CNTN5: variants seen among roughly 807,000 people sequenced by gnomAD.
CNTN5 encodes the protein contactin 5.
In CNTN5, 77 loss-of-function variants were observed where a neutral mutation model predicts 129.1. That is an observed-to-expected ratio of 0.60 (90% CI 0.50 to 0.72). The LOEUF (loss-of-function observed/expected upper bound fraction) is 0.72, where lower values mean the gene tolerates loss of function less well. CNTN5 is among the 30% of genes least tolerant of loss of function. The probability of loss-of-function intolerance (pLI) is 0.00; values close to 1 mark genes in which losing one functional copy is unlikely to be tolerated. For missense variants in CNTN5, 1,478 were observed against 1,328.8 expected (o/e 1.11, Z -1.75); for synonymous variants, 509 against 465.6 (o/e 1.09, Z -1.20).
At position 99,587,002 on chromosome 11, in the gene CNTN5, G is replaced by A. The variant is rs539941354; in HGVS notation, c.55+30733G>A. ...CATTAATCAACTTTTTTCCAGGCAAGTAAAGTTAAATCAGAATTCAGTTAA... is the reference window on the plus strand; with the variant it reads ...CATTAATCAACTTTTTTCCAGGCAAATAAAGTTAAATCAGAATTCAGTTAA... On this transcript the variant is annotated intron_variant, in intron 3 of 24. Coordinates refer to ENST00000524871, the MANE Select transcript of CNTN5 (RefSeq NM_014361.4). Among the ~76,000 whole-genome samples, 39 of 152,318 alleles carry A rather than the reference G, an allele frequency of 2.6e-4. 1 individual carries two copies. The highest frequency in any genetic ancestry group is 7.7e-4 in the African/African-American group (32 of 41,586).
At chr11:99,669,517 TATTC>T (rs1448644405) in intron 3 of CNTN5, among the ~76,000 whole-genome samples, 8 of 151,854 alleles carry the variant, frequency 5.3e-5, no homozygotes, top group South Asian at 2.1e-4. Context: ...TGCTAGATAA[TATTC>T]ATGAGCATGA....
intron 2 of CNTN5, among the ~76,000 whole-genome samples, chr11:99,444,056 G>A (rs1943951949): frequency 6.6e-6 from 1 of 151,948 alleles, no homozygotes; most frequent in African/African-American, 2.4e-5. Flanking sequence ...AAATTAGCTG[G>A]GTGTGGTGGT....
intron 6 of CNTN5, among the ~76,000 whole-genome samples, chr11:99,852,496 C>G (rs1192365364): frequency 6.6e-6 from 1 of 152,154 alleles, no homozygotes; most frequent in South Asian, 2.1e-4. Flanking sequence ...ACTTTTAAAG[C>G]AAATTATGAA....
intron 3 of CNTN5, among the ~76,000 whole-genome samples, chr11:99,769,574 A>G (rs1323703575): frequency 6.6e-6 from 1 of 152,112 alleles, no homozygotes; most frequent in African/African-American, 2.4e-5. Context: ...GAAGTAAATT[A>G]AGAATCATGA....
chr11:100,122,623 T>G (rs1946062546), intron 13 of CNTN5, among the ~76,000 whole-genome samples: 1 of 151,994 alleles, frequency 6.6e-6, no homozygotes, highest in South Asian at 2.1e-4. Flanking sequence ...CTGGGGAGGA[T>G]GCTCTTAAGC....
intron 2 of CNTN5, among the ~76,000 whole-genome samples, chr11:99,478,595 T>C (rs1441152960): frequency 6.6e-6 from 1 of 152,060 alleles, no homozygotes; most frequent in East Asian, 1.9e-4. Flanking sequence ...CTACAATTCC[T>C]TTTCTCTTTC....
intron 8 of CNTN5, among the ~76,000 whole-genome samples, chr11:99,971,977 C>T (rs992183007): frequency 6.8e-6 from 1 of 146,296 alleles, no homozygotes; most frequent in Non-Finnish European, 1.5e-5. Context: ...CGGGTGGGAG[C>T]GGTGGCTCAC....
chr11:100,103,823 C>T (rs940356462), intron 13 of CNTN5, among the ~76,000 whole-genome samples: 24 of 152,146 alleles, frequency 1.6e-4, no homozygotes, highest in Non-Finnish European at 2.5e-4. Context: ...GTAACATGAG[C>T]AGCTCTTGAC....
chr11:99,349,490 C>T (rs947956794), intron 2 of CNTN5, among the ~76,000 whole-genome samples: 11 of 152,232 alleles, frequency 7.2e-5, no homozygotes, highest in South Asian at 2.1e-4. Flanking sequence ...TTAGTCCTTA[C>T]GTTCCCATTG....
intron 1 of CNTN5, among the ~76,000 whole-genome samples, chr11:99,061,042 G>C (rs1864854280): frequency 6.6e-6 from 1 of 151,950 alleles, no homozygotes; most frequent in African/African-American, 2.4e-5. Context: ...CAATTTCTGA[G>C]ATTTTTTTTT....
intron 9 of CNTN5, among the ~76,000 whole-genome samples, chr11:100,003,383 G>C (rs1203169585): frequency 1.3e-5 from 2 of 152,146 alleles, no homozygotes; most frequent in Non-Finnish European, 2.9e-5. Context: ...GTCACCATTT[G>C]CTGTTCTGTG....
At chr11:100,252,038 T>C (rs1192131443) in intron 16 of CNTN5, among the ~76,000 whole-genome samples, 1 of 152,138 alleles carries the variant, frequency 6.6e-6, no homozygotes, top group Non-Finnish European at 1.5e-5. Flanking sequence ...CCACCAATAG[T>C]GTGTAAGACT....
At chr11:100,334,250 C>A (rs1324467337) in intron 21 of CNTN5, among the ~76,000 whole-genome samples, 2 of 151,998 alleles carry the variant, frequency 1.3e-5, no homozygotes, top group Non-Finnish European at 2.9e-5. Context: ...ACTCCTGCAA[C>A]AATGACCATA....
chr11:99,933,689 T>C (rs1950241324), intron 7 of CNTN5, among the ~76,000 whole-genome samples: 1 of 152,240 alleles, frequency 6.6e-6, no homozygotes, highest in Non-Finnish European at 1.5e-5. Flanking sequence ...GAATATTTCA[T>C]TGTTGCAATA....
At chr11:99,802,823 G>A (rs550347555) in intron 3 of CNTN5, among the ~76,000 whole-genome samples, 1 of 152,250 alleles carries the variant, frequency 6.6e-6, no homozygotes, top group East Asian at 1.9e-4. Flanking sequence ...CAGGTGAGTA[G>A]GTACTCCAAA....
chr11:99,529,994 G>A (rs1430751306), intron 2 of CNTN5, among the ~76,000 whole-genome samples: 1 of 152,046 alleles, frequency 6.6e-6, no homozygotes, highest in African/African-American at 2.4e-5. Flanking sequence ...AGTGATTAGA[G>A]GGACATAAAA....
At chr11:99,935,288 G>T (rs954534308) in intron 7 of CNTN5, among the ~76,000 whole-genome samples, 9 of 151,586 alleles carry the variant, frequency 5.9e-5, no homozygotes, top group African/African-American at 2.2e-4. Flanking sequence ...CCCAAGAATG[G>T]TACGTAACTA....
chr11:100,150,553 TAA>T, intron 13 of CNTN5, among the ~76,000 whole-genome samples: 1 of 151,986 alleles, frequency 6.6e-6, no homozygotes, highest in African/African-American at 2.4e-5. Context: ...AAAAACTCTA[TAA>T]TTTTAGTTAT....
intron 3 of CNTN5, among the ~76,000 whole-genome samples, chr11:99,585,885 C>T (rs2726353): frequency 0.9 from 137,744 of 152,206 alleles, 62,465 homozygotes; most frequent in South Asian, 0.95. Flanking sequence ...TTAAAATTTC[C>T]GTGGTGAAGC....
Sources: gnomAD v4.1 joint callset for allele counts (sites outside exome capture counted in the v4.1 genomes callset) on GRCh38, gnomAD v4.1.1 for gene constraint, MANE v1.5 for transcripts, NCBI Gene and HGNC (gene_info 2026-07-23, HGNC 2026-07-21) for gene names.